Variants in OR13A1 observed in about 807,000 individuals in gnomAD.
OR13A1 encodes olfactory receptor family 13 subfamily A member 1.
Under a neutral mutation model 7.5 loss-of-function variants are expected in OR13A1, and 10 were observed. The ratio of observed to expected loss-of-function variants is 1.34; its 90% CI spans 0.83 to 2.27. The LOEUF (loss-of-function observed/expected upper bound fraction) is 2.27. OR13A1 is among the 30% of genes most tolerant of loss of function. The probability of loss-of-function intolerance (pLI) is 0.00; values close to 1 mark genes in which losing one functional copy is unlikely to be tolerated. For synonymous variants in OR13A1, 238 were observed against 177.9 expected (o/e 1.34, Z -2.69); for missense variants, 509 against 419.1 (o/e 1.21, Z -1.87).
At chr10:45,307,283 C>T (rs923673811) in intron 3 of OR13A1, 143 bp downstream of exon 3, 1 of 152,244 alleles carries the variant, frequency 6.6e-6, no homozygotes, top group East Asian at 1.9e-4. Context: ...ACCTTAAACA[C>T]AATCTCTCTC....
Position 45,303,549 on chromosome 10 carries a change from C to G in OR13A1, c.874G>C (p.Ala292Pro). The change falls in exon 4 of 4, where the codon GCT (alanine) becomes CCT (proline). Residue 292 changes from alanine to proline, a missense_variant. Coordinates refer to ENST00000553795, the MANE Select transcript of OR13A1 (RefSeq NM_001004297.3). Reference sequence around the variant, plus strand: ...CTCAGCACAGTGTACAGCAGGCCAGCCAACTTGCTCTTCCCTGCGCTGTAG... The same window carrying G: ...CTCAGCACAGTGTACAGCAGGCCAGGCAACTTGCTCTTCCCTGCGCTGTAG... ...SGYSAGKSKL[A>P]GLLYTVLSPT... The G allele has an allele frequency of 6.2e-7, 1 of 1,614,082 alleles. No homozygotes were observed. The highest frequency in any genetic ancestry group is 8.5e-7 in the Non-Finnish European group (1 of 1,180,020).
At position 45,303,926 on chromosome 10, in the gene OR13A1, A is replaced by T. The variant is rs1313327126; in HGVS notation, c.497T>A (p.Val166Glu). The T allele has an allele frequency of 1.9e-6, 3 of 1,613,686 alleles. No individual in the cohort carries two copies. The highest frequency in any genetic ancestry group is 1.3e-5 in the African/African-American group (1 of 74,964). Reference protein sequence around the residue: ...KVFCSGLATAVWLLCAVNTAI... With the variant: ...KVFCSGLATAEWLLCAVNTAI... ...CGTGTTGACGGCGCAGAGCAGCCAC[A>T]CGGCTGTGGCCAGCCCGCTGCAGAA... Residue 166 changes from valine (V) to glutamate (E), a missense_variant, in exon 4 of 4, where the codon GTG (valine) becomes GAG (glutamate). Physicochemically the swap from Val to Glu is moderately radical, Grantham distance 121 (BLOSUM62 -2). Coordinates refer to ENST00000553795, the MANE Select transcript of OR13A1 (RefSeq NM_001004297.3).
chr10:45,302,618 T>C (rs188727386), downstream of OR13A1: 2 of 152,298 alleles, frequency 1.3e-5, no homozygotes, highest in East Asian at 3.9e-4. Context: ...CTTTAATGGA[T>C]CATGATAAAG....
At chr10:45,312,372 A>G (rs1246063287) in intron 1 of OR13A1, among the ~76,000 whole-genome samples, 1 of 152,100 alleles carries the variant, frequency 6.6e-6, no homozygotes, top group Non-Finnish European at 1.5e-5. Flanking sequence ...ATTAAGTACA[A>G]AGACACAAAG....
At chr10:45,310,120 T>C (rs1838413306) in intron 1 of OR13A1, among the ~76,000 whole-genome samples, 1 of 152,202 alleles carries the variant, frequency 6.6e-6, no homozygotes, top group Non-Finnish European at 1.5e-5. Context: ...TTCAACAAAA[T>C]AAAAGATCCA....
At chr10:45,304,575 G>T in intron 3 of OR13A1, 141 bp from the exon 4 acceptor site, 1 of 676,702 alleles carries the variant, frequency 1.5e-6, no homozygotes, top group Non-Finnish European at 2.5e-6. Context: ...GAAAAAAGGC[G>T]TGAACACTCA....
intron 1 of OR13A1, among the ~76,000 whole-genome samples, chr10:45,312,568 T>A (rs1245548355): frequency 8.5e-6 from 1 of 117,706 alleles, no homozygotes. Flanking sequence ...TCAGAAGATA[T>A]GAACAAAAAA....
rs1384616096 is a variant in OR13A1 at position 45,312,359 on chromosome 10, C to T, written c.-225+3165G>A. Among the ~76,000 whole-genome samples the T allele has an allele frequency of 2.0e-5, 3 of 151,764 alleles. No individual in the cohort carries two copies. In the East Asian group the frequency reaches 5.8e-4, roughly 29 times the overall value. ...CTTAAAAACAGGCAGAGTAAAAAGG[C>T]ACATTAAGTACAAAGACACAAAGAT... On this transcript the variant is annotated intron_variant, in intron 1 of 3. Coordinates refer to ENST00000553795, the MANE Select transcript of OR13A1 (RefSeq NM_001004297.3).
intron 1 of OR13A1, among the ~76,000 whole-genome samples, chr10:45,310,632 G>A (rs1412656312): frequency 1.3e-5 from 2 of 151,832 alleles, no homozygotes; most frequent in Admixed American, 1.3e-4. Context: ...TGGATTTTTG[G>A]AAAAAAACTA....
At position 45,303,570 on chromosome 10, in the gene OR13A1, T is replaced by A; in HGVS notation, c.853A>T (p.Ser285Cys). 5 of 1,614,142 alleles carry A rather than the reference T, an allele frequency of 3.1e-6. No individual in the cohort carries two copies. The highest frequency in any genetic ancestry group is 4.2e-6 in the Non-Finnish European group (5 of 1,180,030). ...CCAGCCAACTTGCTCTTCCCTGCGC[T>A]GTAGCCAGAGACCGGGCTTATGTAG... ...YAYISPVSGY[S>C]AGKSKLAGLL... Residue 285 changes from serine to cysteine, a missense_variant, in exon 4 of 4, where the codon AGC becomes TGC. Transcript: ENST00000553795.
chr10:45,306,531 T>C (rs970705611), intron 3 of OR13A1, among the ~76,000 whole-genome samples: 8 of 152,204 alleles, frequency 5.3e-5, no homozygotes, highest in Admixed American at 2.6e-4. Context: ...AAAATGAACA[T>C]TTGGAAGATG....
At chr10:45,314,913 T>C (rs1021646862) in intron 1 of OR13A1, among the ~76,000 whole-genome samples, 4 of 151,954 alleles carry the variant, frequency 2.6e-5, no homozygotes, top group Admixed American at 6.6e-5. Context: ...ATTAAACTGG[T>C]TCAAAAACCT....
In OR13A1 at chr10:45,302,740, A is replaced by C. The variant is rs1838230736; in HGVS notation, c.*696T>G. Reference sequence around the variant, plus strand: ...CAGTTTTATCTGAAACAATGGAAGGATAGCAATGCCTTACTACAATGCCGT... The same window carrying C: ...CAGTTTTATCTGAAACAATGGAAGGCTAGCAATGCCTTACTACAATGCCGT... On this transcript the variant is annotated 3_prime_UTR_variant, in exon 4 of 4. Transcript: ENST00000553795. 1 of 152,256 alleles carries C rather than the reference A, an allele frequency of 6.6e-6. No homozygotes were observed. Among genetic ancestry groups the C allele is most frequent in the African/African-American group, 2.4e-5 (1 of 41,462 alleles). The allele number at this position is 152,256 out of a possible 1,614,324, so 9.4% of individuals were successfully genotyped here.
chr10:45,302,387 A>G (rs1219762169), downstream of OR13A1: 1 of 152,188 alleles, frequency 6.6e-6, no homozygotes, highest in East Asian at 1.9e-4. Context: ...AAGAGATTAA[A>G]CTGTCTGTAA....
chr10:45,310,452 G>T (rs548337098), intron 1 of OR13A1, among the ~76,000 whole-genome samples: 11 of 152,276 alleles, frequency 7.2e-5, no homozygotes, highest in African/African-American at 2.4e-4. Flanking sequence ...GGACAATATA[G>T]AAAGCTCAAA....
At position 45,303,277 on chromosome 10, in the gene OR13A1, C is replaced by T; in HGVS notation, c.*159G>A. ...TGGGTCACACCTACCGCAATCCCCC[C>T]ATCACCAAGTCTCAGGGAACCAGCA... On this transcript the variant is annotated 3_prime_UTR_variant, in exon 4 of 4. Transcript: ENST00000553795. 4.0e-6 allele frequency: 3 copies of T among 750,024 alleles called. No homozygotes were observed. Among genetic ancestry groups the T allele is most frequent in the Non-Finnish European group, 4.4e-6 (2 of 456,522 alleles). The allele number at this position is 750,024 out of a possible 1,614,324, so 46.5% of individuals were successfully genotyped here.
rs1230558419 is a variant in OR13A1, at chr10:45,314,055, ATATC to A, written c.-225+1465_-225+1468del. ...TTTTAAAAGATTGAAATTATACAAAATATCTATTTTGATGAAAATGACATAAAAC... is the reference window on the plus strand; with the variant it reads ...TTTTAAAAGATTGAAATTATACAAAATATTTTGATGAAAATGACATAAAAC... On this transcript the variant is annotated intron_variant, in intron 1 of 3. Transcript: ENST00000553795. Among the ~76,000 whole-genome samples the A allele has an allele frequency of 2.6e-5, 4 of 152,356 alleles. No individual in the cohort carries two copies. The East Asian group carries it at 7.7e-4, about 29-fold the overall frequency.
At chr10:45,309,476 C>A (rs577585146) in intron 1 of OR13A1, among the ~76,000 whole-genome samples, 4 of 152,190 alleles carry the variant, frequency 2.6e-5, no homozygotes, top group African/African-American at 7.2e-5. Flanking sequence ...TCTGCTGAGT[C>A]TCTGTCCCAT....
At chr10:45,305,569 A>G (rs1247297568) in intron 3 of OR13A1, among the ~76,000 whole-genome samples, 2 of 152,166 alleles carry the variant, frequency 1.3e-5, no homozygotes, top group Non-Finnish European at 2.9e-5. Flanking sequence ...CAGTTCTTCC[A>G]TGGCTTCCCA....
Sources: allele counts gnomAD v4.1 joint callset (sites outside exome capture counted in the v4.1 genomes callset), GRCh38; gene constraint gnomAD v4.1.1; transcripts MANE v1.5; gene names NCBI Gene and HGNC (gene_info 2026-07-23, HGNC 2026-07-21).